NKAIN2: variants seen among roughly 807,000 people sequenced by gnomAD.
NKAIN2 encodes sodium/potassium transporting ATPase interacting 2, also known as sodium/potassium-transporting ATPase subunit beta-1-interacting protein 2.
NKAIN2 carries 14 observed loss-of-function variants against 32.6 expected under a neutral mutation model. The observed-to-expected ratio is 0.43, with a 90% CI of 0.28 to 0.67. The LOEUF is 0.67. Among genes scored for constraint, NKAIN2 ranks in the 30% least tolerant of loss-of-function variants. The probability of loss-of-function intolerance (pLI) is 0.17; values close to 1 mark genes in which losing one functional copy is unlikely to be tolerated. For synonymous variants in NKAIN2, 80 were observed against 87.2 expected (o/e 0.92, Z 0.46); for missense variants, 198 against 258.3 (o/e 0.77, Z 1.60).
intron 1 of NKAIN2, among the ~76,000 whole-genome samples, chr6:124,108,345 T>C (rs1433048781): frequency 2.0e-5 from 3 of 152,130 alleles, no homozygotes; most frequent in African/African-American, 7.2e-5. Flanking sequence ...TGAAATCCTT[T>C]GCCCATATTT....
intron 1 of NKAIN2, among the ~76,000 whole-genome samples, chr6:123,896,419 A>G (rs965215281): frequency 3.3e-5 from 5 of 152,164 alleles, no homozygotes; most frequent in Non-Finnish European, 7.4e-5. Flanking sequence ...TTTAAAAGAC[A>G]TATTCAAGTC....
intron 4 of NKAIN2, among the ~76,000 whole-genome samples, chr6:124,670,645 C>CTGTGTGTGTGTGTG (rs57300688): frequency 0.035 from 4,375 of 123,818 alleles, 76 homozygotes; most frequent in Admixed American, 0.051. Context: ...TCTTTGCTTT[C>CTGTGTGTGTGTGTG]TGTGTGTGTG....
intron 1 of NKAIN2, among the ~76,000 whole-genome samples, chr6:123,845,950 T>C (rs1775070536): frequency 1.3e-5 from 2 of 152,208 alleles, no homozygotes; most frequent in African/African-American, 4.8e-5. Context: ...AAATACTCTA[T>C]ATTTTTATTA....
intron 1 of NKAIN2, among the ~76,000 whole-genome samples, chr6:124,022,086 A>G (rs941131016): frequency 4.5e-5 from 5 of 112,248 alleles, no homozygotes; most frequent in African/African-American, 1.8e-4. Context: ...GCTGTTCCCC[A>G]TCCTGTGTCC....
intron 1 of NKAIN2, among the ~76,000 whole-genome samples, chr6:123,900,298 C>T (rs571578318): frequency 4.0e-5 from 6 of 151,886 alleles, no homozygotes; most frequent in South Asian, 2.1e-4. Context: ...GGTGAAACCC[C>T]GTCTCTACTA....
chr6:123,939,190 C>G (rs1776701244), intron 1 of NKAIN2, among the ~76,000 whole-genome samples: 1 of 151,844 alleles, frequency 6.6e-6, no homozygotes, highest in African/African-American at 2.4e-5. Context: ...TTAATGAAGT[C>G]ATAGAGTGCC....
intron 4 of NKAIN2, among the ~76,000 whole-genome samples, chr6:124,778,492 A>AT (rs1329772044): frequency 6.6e-6 from 1 of 151,902 alleles, no homozygotes; most frequent in Non-Finnish European, 1.5e-5. Flanking sequence ...TCTCCTTGAT[A>AT]TTTTTTGGCA....
intron 1 of NKAIN2, among the ~76,000 whole-genome samples, chr6:124,072,945 C>T (rs1460307060): frequency 1.3e-5 from 2 of 152,044 alleles, no homozygotes; most frequent in African/African-American, 4.8e-5. Flanking sequence ...GAGACTATGT[C>T]TCTATCATTT....
intron 1 of NKAIN2, among the ~76,000 whole-genome samples, chr6:124,072,840 A>G (rs1783523978): frequency 6.6e-6 from 1 of 151,968 alleles, no homozygotes; most frequent in Non-Finnish European, 1.5e-5. Context: ...GCATTTTGTT[A>G]TTCATTCATT....
intron 1 of NKAIN2, among the ~76,000 whole-genome samples, chr6:123,845,132 T>G (rs970985394): frequency 1.4e-4 from 22 of 152,206 alleles, no homozygotes; most frequent in African/African-American, 5.1e-4. Context: ...GATTATAGGT[T>G]TATACGCTTG....
At chr6:124,586,067 A>G (rs1781700806) in intron 3 of NKAIN2, among the ~76,000 whole-genome samples, 1 of 152,214 alleles carries the variant, frequency 6.6e-6, no homozygotes. Context: ...GTCAATAGAT[A>G]GAAGATTTCC....
At chr6:124,128,293 C>CTA (rs1256994436) in intron 1 of NKAIN2, among the ~76,000 whole-genome samples, 13 of 152,160 alleles carry the variant, frequency 8.5e-5, no homozygotes, top group African/African-American at 3.1e-4. Context: ...TGGAAATGTT[C>CTA]TATAATATAG....
intron 3 of NKAIN2, among the ~76,000 whole-genome samples, chr6:124,608,374 C>T (rs549157554): frequency 6.6e-6 from 1 of 152,294 alleles, no homozygotes; most frequent in African/African-American, 2.4e-5. Context: ...TCTTCCTTAT[C>T]ATCCCCTTCA....
intron 1 of NKAIN2, among the ~76,000 whole-genome samples, chr6:123,900,533 T>G (rs937894642): frequency 1.7e-4 from 9 of 53,938 alleles, no homozygotes; most frequent in Admixed American, 4.1e-4. Flanking sequence ...TCCAGATTAG[T>G]TTTTTTTTTT....
intron 1 of NKAIN2, among the ~76,000 whole-genome samples, chr6:123,902,672 C>T (rs1395827597): frequency 1.3e-5 from 2 of 152,064 alleles, no homozygotes; most frequent in East Asian, 3.9e-4. Context: ...GGGCATAATA[C>T]ATTCCAAAAA....
chr6:124,134,578 G>A (rs961333093), intron 1 of NKAIN2, among the ~76,000 whole-genome samples: 2 of 152,170 alleles, frequency 1.3e-5, no homozygotes, highest in African/African-American at 2.4e-5. Context: ...CAGCTACTTG[G>A]TAGGCTGAGG....
chr6:124,687,476 A>T (rs1262243872), intron 4 of NKAIN2, among the ~76,000 whole-genome samples: 258 of 2,984 alleles, frequency 0.086, 11 homozygotes, highest in African/African-American at 0.12. Flanking sequence ...ACATACATGG[A>T]ATATATATAT....
At chr6:124,549,157 G>C (rs925271928) in intron 3 of NKAIN2, among the ~76,000 whole-genome samples, 1 of 152,076 alleles carries the variant, frequency 6.6e-6, no homozygotes. Context: ...ATGAGGTCAG[G>C]AGTTCAAGGC....
chr6:123,992,911 T>G (rs923713162), intron 1 of NKAIN2, among the ~76,000 whole-genome samples: 4 of 152,202 alleles, frequency 2.6e-5, no homozygotes, highest in African/African-American at 9.6e-5. Flanking sequence ...TCAAAACTAC[T>G]AAAGGCCCAT....
Sources: allele counts gnomAD v4.1 joint callset (sites outside exome capture counted in the v4.1 genomes callset), GRCh38; gene constraint gnomAD v4.1.1; transcripts MANE v1.5; gene names NCBI Gene and HGNC (gene_info 2026-07-23, HGNC 2026-07-21).